Variants in RASSF8 observed in about 807,000 individuals in gnomAD.
The protein encoded by RASSF8 is ras association domain-containing protein 8.
Under a neutral mutation model 48.5 loss-of-function variants are expected in RASSF8, and 22 were observed. The observed-to-expected ratio is 0.45, with a 90% CI of 0.32 to 0.65. The LOEUF (loss-of-function observed/expected upper bound fraction) is 0.65. Among genes scored for constraint, RASSF8 ranks in the 30% least tolerant of loss-of-function variants. The pLI is 0.03. For synonymous variants in RASSF8, 127 were observed against 171.5 expected (o/e 0.74, Z 2.03); for missense variants, 418 against 489.2 (o/e 0.85, Z 1.37).
intron 2 of RASSF8, among the ~76,000 whole-genome samples, chr12:26,012,298 A>G (rs777080179): frequency 1.3e-5 from 2 of 152,254 alleles, no homozygotes; most frequent in Non-Finnish European, 2.9e-5. Flanking sequence ...CGGCATATAT[A>G]GTAAGAATTT....
At chr12:26,074,066 C>T (rs1460852373), downstream of RASSF8, among the ~76,000 whole-genome samples, 1 of 151,668 alleles carries the variant, frequency 6.6e-6, no homozygotes, top group Non-Finnish European at 1.5e-5. Context: ...TTCAAAATAC[C>T]AATAAGTCCT....
At chr12:26,074,861 A>G (rs1944058393), downstream of RASSF8, among the ~76,000 whole-genome samples, 1 of 152,200 alleles carries the variant, frequency 6.6e-6, no homozygotes, top group South Asian at 2.1e-4. Flanking sequence ...AGAGATGGGA[A>G]GTAGGCATCT....
chr12:26,003,664 AATG>A (rs1942315674), intron 2 of RASSF8, among the ~76,000 whole-genome samples: 1 of 152,278 alleles, frequency 6.6e-6, no homozygotes, highest in East Asian at 1.9e-4. Flanking sequence ...CTAAAGTGTT[AATG>A]ATGATTTTTC....
intron 2 of RASSF8, among the ~76,000 whole-genome samples, chr12:26,031,187 A>G (rs563583540): frequency 6.7e-6 from 1 of 150,298 alleles, no homozygotes; most frequent in South Asian, 2.1e-4. Flanking sequence ...CCCCTGCCCC[A>G]TTTTTTTTTG....
intron 1 of RASSF8, among the ~76,000 whole-genome samples, chr12:25,994,090 C>G (rs1308347684): frequency 6.6e-6 from 1 of 152,138 alleles, no homozygotes; most frequent in Admixed American, 6.5e-5. Context: ...TTTCCCCTTC[C>G]TCAGTGGTGT....
chr12:26,069,997 C>A lies in RASSF8; in HGVS notation c.*1179C>A. The A allele has an allele frequency of 1.0e-6, 1 of 975,632 alleles. No homozygotes were observed. 60.4% of individuals were successfully genotyped at this position (975,632 alleles called of 1,614,324 possible). On this transcript the variant is annotated 3_prime_UTR_variant, in exon 6 of 6. Transcript: ENST00000689635. ...ACATATGTTATTTTATTTGTAAAAC[C>A]AAATATGACTCAACACCTTTTTGAT...
chr12:25,972,598 C>CT (rs1941508630), intron 1 of RASSF8, among the ~76,000 whole-genome samples: 1 of 151,990 alleles, frequency 6.6e-6, no homozygotes. Flanking sequence ...AAATCCTTTT[C>CT]TTTTTATAAG....
At chr12:26,079,071 T>G in exon 6 of RASSF8, 1 of 1,544,512 alleles carries the variant, frequency 6.5e-7, no homozygotes. Context: ...GTGTAAAGAT[T>G]AGATATCACA....
At chr12:26,048,962 T>C (rs1373791624) in intron 2 of RASSF8, among the ~76,000 whole-genome samples, 1 of 152,182 alleles carries the variant, frequency 6.6e-6, no homozygotes. Flanking sequence ...TTCACCATAT[T>C]GGCCAGGCCG....
Position 26,068,867 on chromosome 12 carries a change from A to G in RASSF8, c.*49A>G. 2 of 1,526,436 alleles carry G rather than the reference A, an allele frequency of 1.3e-6. No homozygotes were observed. Among genetic ancestry groups the G allele is most frequent in the Non-Finnish European group, 8.8e-7 (1 of 1,141,564 alleles). The allele number at this position is 1,526,436 out of a possible 1,614,324, so 94.6% of individuals were successfully genotyped here. A position where few individuals can be genotyped will look rare whatever the true frequency, so the allele number is the denominator to read the frequency against. On this transcript the variant is annotated 3_prime_UTR_variant, in exon 6 of 6. Transcript: ENST00000689635. ...ACCCAACAGAGGTACCAAGGACAGT[A>G]AACTTCCTTTTTGATTTGTGCCAAT...
intron 2 of RASSF8, among the ~76,000 whole-genome samples, chr12:26,023,797 ATTG>A (rs1247443724): frequency 2.0e-5 from 3 of 152,216 alleles, no homozygotes; most frequent in Non-Finnish European, 4.4e-5. Flanking sequence ...TATAGATTTG[ATTG>A]TTGAGTTTTC....
chr12:26,064,458 T>C (rs570268196), intron 3 of RASSF8, 40 bp from the exon 4 acceptor site: 1 of 1,474,988 alleles, frequency 6.8e-7, no homozygotes, highest in African/African-American at 1.4e-5. Flanking sequence ...AACTATTACA[T>C]ATCCCATTTT....
At chr12:25,966,495 A>C (rs555306795) in intron 1 of RASSF8, among the ~76,000 whole-genome samples, 1 of 152,194 alleles carries the variant, frequency 6.6e-6, no homozygotes, top group Non-Finnish European at 1.5e-5. Flanking sequence ...GGCATGAGCC[A>C]TGTGTCCAGC....
chr12:25,971,561 T>C (rs922311906), intron 1 of RASSF8, among the ~76,000 whole-genome samples: 3 of 151,052 alleles, frequency 2.0e-5, no homozygotes, highest in African/African-American at 7.3e-5. Context: ...CTAGTTTTCA[T>C]TTCATATGGA....
chr12:25,961,776 A>G (rs889938511), intron 1 of RASSF8, among the ~76,000 whole-genome samples: 1 of 152,170 alleles, frequency 6.6e-6, no homozygotes, highest in Admixed American at 6.5e-5. Flanking sequence ...TGGTCACTCA[A>G]ACTTTCAAAC....
At chr12:25,988,807 A>G (rs1941947939) in intron 1 of RASSF8, among the ~76,000 whole-genome samples, 1 of 152,174 alleles carries the variant, frequency 6.6e-6, no homozygotes, top group Admixed American at 6.5e-5. Flanking sequence ...ATGGTATGGT[A>G]GGGAAATGGG....
rs984673071 is a variant in RASSF8, at chr12:25,958,683, G to C, written c.-668G>C. On this transcript the variant is annotated 5_prime_UTR_variant, in exon 1 of 6. Coordinates refer to ENST00000689635, the MANE Select transcript of RASSF8 (RefSeq NM_001394098.1). ...GGCCCCCAGCCCGGCCCCCAGCCCA[G>C]AGGCACCGGCCGCGGGAGCGAGCGG... is the stretch of plus-strand genomic sequence containing the variant. The C allele has an allele frequency of 6.8e-6, 1 of 146,320 alleles. No homozygotes were observed. The highest frequency in any genetic ancestry group is 1.5e-5 in the Non-Finnish European group (1 of 65,750). 9.1% of individuals were successfully genotyped at this position (146,320 alleles called of 1,614,324 possible). A position where few individuals can be genotyped will look rare whatever the true frequency, so the allele number is the denominator to read the frequency against.
downstream of RASSF8, among the ~76,000 whole-genome samples, chr12:26,075,660 A>G (rs747296554): frequency 3.3e-5 from 5 of 152,366 alleles, no homozygotes; most frequent in East Asian, 1.9e-4. Flanking sequence ...CCGTGTACAC[A>G]AAGTCAATAT....
chr12:26,025,709 C>T (rs948098034), intron 2 of RASSF8, among the ~76,000 whole-genome samples: 1 of 151,858 alleles, frequency 6.6e-6, no homozygotes, highest in Admixed American at 6.6e-5. Flanking sequence ...GATACAAGAT[C>T]AGTATGCAAA....
Sources: gnomAD v4.1 joint callset for allele counts (sites outside exome capture counted in the v4.1 genomes callset) on GRCh38, gnomAD v4.1.1 for gene constraint, MANE v1.5 for transcripts, NCBI Gene and HGNC (gene_info 2026-07-23, HGNC 2026-07-21) for gene names.